IKZF2: variants seen among roughly 807,000 people sequenced by gnomAD.
IKZF2 encodes IKAROS family zinc finger 2.
IKZF2 carries 15 observed loss-of-function variants against 49.2 expected under a neutral mutation model. The ratio of observed to expected loss-of-function variants is 0.30; its 90% CI spans 0.20 to 0.47. The LOEUF is 0.47. Among genes scored for constraint, IKZF2 ranks in the 20% least tolerant of loss-of-function variants. The probability of loss-of-function intolerance (pLI) is 1.00; values close to 1 mark genes in which losing one functional copy is unlikely to be tolerated. For synonymous variants in IKZF2, 227 were observed against 221.4 expected (o/e 1.03, Z -0.23); for missense variants, 567 against 664.6 (o/e 0.85, Z 1.61).
intron 4 of IKZF2, among the ~76,000 whole-genome samples, chr2:213,107,459 A>G (rs2059571744): frequency 1.3e-5 from 2 of 152,178 alleles, no homozygotes; most frequent in African/African-American, 4.8e-5. Flanking sequence ...TAGTATCACA[A>G]AATTCTAATT....
intron 8 of IKZF2, among the ~76,000 whole-genome samples, chr2:213,009,852 T>C (rs913989397): frequency 6.6e-6 from 1 of 151,824 alleles, no homozygotes; most frequent in Non-Finnish European, 1.5e-5. Flanking sequence ...TGAAGAAACA[T>C]GAGGTGGAGT....
intron 4 of IKZF2, among the ~76,000 whole-genome samples, chr2:213,114,798 A>AGC (rs952164879): frequency 6.6e-6 from 1 of 151,406 alleles, no homozygotes; most frequent in Non-Finnish European, 1.5e-5. Context: ...TGGGCATGGT[A>AGC]GCGCGCGCCT....
intron 4 of IKZF2, among the ~76,000 whole-genome samples, chr2:213,114,154 G>A (rs967464655): frequency 9.9e-5 from 15 of 151,894 alleles, no homozygotes; most frequent in Non-Finnish European, 2.1e-4. Context: ...AGGATAATAG[G>A]TTTTCCTGAA....
At chr2:213,114,258 C>T (rs367572943) in intron 4 of IKZF2, among the ~76,000 whole-genome samples, 22 of 152,108 alleles carry the variant, frequency 1.4e-4, no homozygotes, top group East Asian at 1.2e-3. Context: ...AAAGGTGCAA[C>T]GGGTTTTTTT....
chr2:213,056,763 G>C, intron 5 of IKZF2, 70 bp downstream of exon 5: 1 of 1,571,816 alleles, frequency 6.4e-7, no homozygotes, highest in East Asian at 2.2e-5. Context: ...AAAGGAAAGA[G>C]AATAGATGTC....
intron 4 of IKZF2, among the ~76,000 whole-genome samples, chr2:213,109,201 G>T (rs374275853): frequency 6.6e-6 from 1 of 151,964 alleles, no homozygotes; most frequent in East Asian, 1.9e-4. Context: ...TTTAACACTT[G>T]ACCCTACCAA....
chr2:213,092,440 T>C (rs900228426), intron 4 of IKZF2, among the ~76,000 whole-genome samples: 6 of 152,318 alleles, frequency 3.9e-5, no homozygotes, highest in South Asian at 4.1e-4. Flanking sequence ...GAGTTCTCAC[T>C]TGCCCCAGAA....
chr2:213,121,335 T>C (rs970629259), intron 4 of IKZF2, among the ~76,000 whole-genome samples: 3 of 152,234 alleles, frequency 2.0e-5, no homozygotes, highest in African/African-American at 7.2e-5. Flanking sequence ...CAGGTAAGTA[T>C]TTGTACAAGC....
At chr2:213,052,101 TG>T (rs1336739142) in intron 5 of IKZF2, among the ~76,000 whole-genome samples, 2 of 152,052 alleles carry the variant, frequency 1.3e-5, no homozygotes, top group Non-Finnish European at 2.9e-5. Flanking sequence ...ATGCGATTAA[TG>T]AAAGGGTAAT....
chr2:213,112,436 T>C (rs2059739293), intron 4 of IKZF2, among the ~76,000 whole-genome samples: 1 of 151,070 alleles, frequency 6.6e-6, no homozygotes, highest in African/African-American at 2.4e-5. Flanking sequence ...AATGAAACAA[T>C]ACTACACATA....
chr2:213,079,127 T>C (rs1415569304), intron 4 of IKZF2, among the ~76,000 whole-genome samples: 1 of 152,154 alleles, frequency 6.6e-6, no homozygotes, highest in Non-Finnish European at 1.5e-5. Flanking sequence ...CTCATGCCTG[T>C]AGTCCCAACA....
intron 5 of IKZF2, among the ~76,000 whole-genome samples, chr2:213,055,518 A>G (rs1480991008): frequency 6.6e-6 from 1 of 152,116 alleles, no homozygotes; most frequent in Non-Finnish European, 1.5e-5. Flanking sequence ...TATGTTCTAA[A>G]GCTGATGATT....
intron 4 of IKZF2, among the ~76,000 whole-genome samples, chr2:213,079,460 G>C (rs1703666331): frequency 7.5e-6 from 1 of 133,660 alleles, no homozygotes; most frequent in South Asian, 2.5e-4. Flanking sequence ...AGGGTGGAAG[G>C]AAGGAAAGGA....
chr2:213,030,375 A>G (rs772147921), intron 6 of IKZF2, among the ~76,000 whole-genome samples: 1 of 152,136 alleles, frequency 6.6e-6, no homozygotes, highest in Non-Finnish European at 1.5e-5. Context: ...CTACCTGAAA[A>G]GTGAGATATC....
Position 213,147,770 on chromosome 2 carries a change from G to A in IKZF2, c.77C>T (p.Ala26Val). The change falls in exon 4 of 9, where the codon GCA (alanine) becomes GTA (valine). Residue 26 changes from alanine (A) to valine (V), a missense_variant. By Grantham distance (64) the Ala-to-Val change is moderately conservative (BLOSUM62 0). Coordinates refer to ENST00000434687, the MANE Select transcript of IKZF2 (RefSeq NM_001387220.1). ...GGGTGTGCTTGAGGTGAGGTCAATT[G>A]CCATATTGGAGTGCTCCCTTTCGGG... ...LSPEREHSNM[A>V]IDLTSSTPNG... The A allele has an allele frequency of 1.2e-6, 2 of 1,613,898 alleles. No homozygotes were observed. The highest frequency in any genetic ancestry group is 1.1e-5 in the South Asian group (1 of 91,074).
intron 4 of IKZF2, among the ~76,000 whole-genome samples, chr2:213,130,343 T>G (rs1309831058): frequency 6.6e-6 from 1 of 151,950 alleles, no homozygotes; most frequent in Non-Finnish European, 1.5e-5. Flanking sequence ...AATAAATGCT[T>G]TGTTATAAAC....
chr2:213,011,669 C>G (rs1469170082), intron 8 of IKZF2, among the ~76,000 whole-genome samples: 1 of 151,936 alleles, frequency 6.6e-6, no homozygotes, highest in African/African-American at 2.4e-5. Context: ...TGGTGGAGAG[C>G]AGGAGAGATG....
At chr2:213,117,328 A>T (rs2059910265) in intron 4 of IKZF2, among the ~76,000 whole-genome samples, 1 of 152,156 alleles carries the variant, frequency 6.6e-6, no homozygotes. Context: ...TTAAAAGCTT[A>T]ATATCATTTA....
chr2:213,085,822 T>C (rs1574788643), intron 4 of IKZF2, among the ~76,000 whole-genome samples: 2 of 152,298 alleles, frequency 1.3e-5, no homozygotes, highest in Admixed American at 1.3e-4. Context: ...GCAGGTCTCC[T>C]TTCTCGATTA....
Sources: allele counts gnomAD v4.1 joint callset (sites outside exome capture counted in the v4.1 genomes callset), GRCh38; gene constraint gnomAD v4.1.1; transcripts MANE v1.5; gene names NCBI Gene and HGNC (gene_info 2026-07-23, HGNC 2026-07-21).